The following KIF19 variants were observed in gnomAD, a reference collection of about 807,000 sequenced individuals.
KIF19 encodes kinesin-like protein KIF19.
Under a neutral mutation model 106.6 loss-of-function variants are expected in KIF19, and 98 were observed. The ratio of observed to expected loss-of-function variants is 0.92; its 90% CI spans 0.78 to 1.09. The LOEUF (loss-of-function observed/expected upper bound fraction) is 1.09, where lower values mean the gene tolerates loss of function less well. Ranked by LOEUF, KIF19 falls within the 50% of genes least tolerant of loss-of-function variation. The pLI, the probability that KIF19 is intolerant of heterozygous loss-of-function variation, is 0.00. For missense variants in KIF19, 1,373 were observed against 1,414.3 expected, an observed-to-expected ratio of 0.97 and a Z score of 0.47; for synonymous variants, 516 against 584.2, an observed-to-expected ratio of 0.88 and a Z score of 1.68.
At position 74,346,325 on chromosome 17, in the gene KIF19, A is replaced by T; in HGVS notation, c.778-53A>T. 6.5e-7 allele frequency: 1 copy of T among 1,528,832 alleles called. No individual in the cohort carries two copies. Among genetic ancestry groups the T allele is most frequent in the Non-Finnish European group, 8.8e-7 (1 of 1,130,968 alleles). 94.7% of individuals were successfully genotyped at this position (1,528,832 alleles called of 1,614,324 possible). A position where few individuals can be genotyped will look rare whatever the true frequency, so the allele number is the denominator to read the frequency against. On this transcript the variant is annotated intron_variant, in intron 7 of 19. Coordinates refer to ENST00000389916, the MANE Select transcript of KIF19 (RefSeq NM_153209.4). The surrounding 1 kb of genome is among the most constrained non-coding windows in gnomAD (Gnocchi z 4.6). ...TCATTGGTGGGGTGGCTGGGGAGAA[A>T]CCCAGTCCCCTGCCTCATCAGGCCA...
chr17:74,349,113 C>T, intron 9 of KIF19, 71 bp from the exon 10 acceptor site: 6 of 1,545,138 alleles, frequency 3.9e-6, no homozygotes, highest in Non-Finnish European at 4.4e-6. Flanking sequence ...GAAGAAAGGC[C>T]CTGCAGGCAG....
In KIF19 at chr17:74,354,402, C is replaced by A. The variant is rs1217230618; in HGVS notation, c.2549C>A (p.Thr850Lys). The A allele has an allele frequency of 1.9e-6, 3 of 1,610,818 alleles. No individual in the cohort carries two copies. The highest frequency in any genetic ancestry group is 1.1e-5 in the South Asian group (1 of 90,772). Residue 850 changes from threonine to lysine, a missense_variant, in exon 18 of 20, where the codon ACG becomes AAG. Thr to Lys is a moderately conservative substitution (Grantham distance 78, BLOSUM62 -1). This residue lies in a region of KIF19 where 1,020 missense variants were observed against 1,008.2 expected (regional missense o/e 1.01). Transcript: ENST00000389916. ...AGTGAGGACAACCTGTCCAGCAGCACGGGCGAGGCCCCGTCCCGGGCAGTC... is the reference window on the plus strand; with the variant it reads ...AGTGAGGACAACCTGTCCAGCAGCAAGGGCGAGGCCCCGTCCCGGGCAGTC... ...AASEDNLSSS[T>K]GEAPSRAVGH...
intron 2 of KIF19, among the ~76,000 whole-genome samples, chr17:74,333,361 A>ATTTTTTT (rs35232394): frequency 4.6e-5 from 6 of 129,482 alleles, no homozygotes; most frequent in African/African-American, 1.8e-4. Flanking sequence ...TGTGGTCCTA[A>ATTTTTTT]TTTTTTTTTT....
intron 2 of KIF19, among the ~76,000 whole-genome samples, chr17:74,333,324 A>G (rs2054141898): frequency 6.6e-6 from 1 of 150,462 alleles, no homozygotes; most frequent in South Asian, 2.1e-4. Flanking sequence ...CCTTCTGGAC[A>G]TTGAATGTGA....
At chr17:74,338,417 T>TG (rs1468982490) in intron 2 of KIF19, among the ~76,000 whole-genome samples, 1 of 148,900 alleles carries the variant, frequency 6.7e-6, no homozygotes, top group Non-Finnish European at 1.5e-5. Context: ...GCAGGGAGCC[T>TG]GAGTGAGTGG....
intron 2 of KIF19, among the ~76,000 whole-genome samples, chr17:74,333,546 G>A (rs1027215743): frequency 7.9e-5 from 12 of 152,088 alleles, no homozygotes; most frequent in Admixed American, 7.2e-4. Flanking sequence ...ATTTTTAGTA[G>A]AGACGGGTTT....
At position 74,354,549 on chromosome 17, in the gene KIF19, C is replaced by A. The variant is rs752163964; in HGVS notation, c.2696C>A (p.Thr899Asn). 4 of 1,595,608 alleles carry A rather than the reference C, an allele frequency of 2.5e-6. No individual in the cohort carries two copies. The East Asian group carries it at 6.8e-5, about 27-fold the overall frequency. ...CGGAGGTCCCGATCCTTCGAGGTCA[C>A]CGGGCAAGGGGTGAGGCGAGGCGCA... ...RKRRSRSFEV[T>N]GQGLSHPKTH... Residue 899 changes from threonine to asparagine, a missense_variant, in exon 18 of 20, where the codon ACC becomes AAC. Transcript: ENST00000389916.
At chr17:74,332,551 T>C (rs1468508886) in intron 2 of KIF19, among the ~76,000 whole-genome samples, 1 of 152,104 alleles carries the variant, frequency 6.6e-6, no homozygotes, top group Non-Finnish European at 1.5e-5. Flanking sequence ...GCTGACCATG[T>C]GTATGTCCCA....
intron 2 of KIF19, among the ~76,000 whole-genome samples, chr17:74,340,713 G>A (rs2054349185): frequency 6.6e-6 from 1 of 152,188 alleles, no homozygotes; most frequent in South Asian, 2.1e-4. Flanking sequence ...AGCTGCAAAG[G>A]GCCACTGGAG....
chr17:74,344,477 G>A, intron 6 of KIF19, 129 bp downstream of exon 6: 1 of 1,407,188 alleles, frequency 7.1e-7, no homozygotes, highest in Non-Finnish European at 9.6e-7. Context: ...GGAGAATCCT[G>A]AGTGGCAGCA....
At position 74,352,314 on chromosome 17, in the gene KIF19, G is replaced by C. The variant is rs534622184; in HGVS notation, c.1954G>C (p.Asp652His). 6.2e-7 allele frequency: 1 copy of C among 1,610,978 alleles called. No homozygotes were observed. The change falls in exon 14 of 20, where the codon GAC (aspartate) becomes CAC (histidine). Residue 652 changes from aspartate to histidine, a missense_variant. Asp to His is a moderately conservative substitution (Grantham distance 81). This residue lies in a region of KIF19 where 1,020 missense variants were observed against 1,008.2 expected (regional missense o/e 1.01). Coordinates refer to ENST00000389916, the MANE Select transcript of KIF19 (RefSeq NM_153209.4). Reference protein sequence around the residue: ...EGSLEQATIMDQVASRALQDS... With the variant: ...EGSLEQATIMHQVASRALQDS... ...CAGCCTGGAGCAGGCCACCATCATGGACCAAGTGGCCTCCAGGGCCCTGCA... is the reference window on the plus strand; with the variant it reads ...CAGCCTGGAGCAGGCCACCATCATGCACCAAGTGGCCTCCAGGGCCCTGCA...
At chr17:74,342,507 C>T (rs2054409568) in intron 3 of KIF19, 123 bp from the exon 4 acceptor site, 2 of 715,412 alleles carry the variant, frequency 2.8e-6, no homozygotes, top group South Asian at 1.7e-5. Context: ...CCCACCCCCA[C>T]TTATCTTGGG....
At position 74,354,301 on chromosome 17, in the gene KIF19, C is replaced by G. The variant is rs369720899; in HGVS notation, c.2448C>G (p.Ser816Arg). ...ERSSLSLHSL[S>R]EGDDARPPGP... ...GCAGCCTGTCCCTGCACTCACTGAG[C>G]GAGGGCGACGATGCGCGGCCACCAG... Residue 816 changes from serine to arginine, a missense_variant, in exon 18 of 20, where the codon AGC becomes AGG. By Grantham distance (110) the Ser-to-Arg change is moderately radical. Coordinates refer to ENST00000389916, the MANE Select transcript of KIF19 (RefSeq NM_153209.4). 178 of 1,608,264 alleles carry G rather than the reference C, an allele frequency of 1.1e-4. 1 individual carries two copies. In the Middle Eastern group the frequency reaches 1.3e-3, roughly 12 times the overall value.
At position 74,355,400 on chromosome 17, in the gene KIF19, A is replaced by G. The variant is rs775611286; in HGVS notation, c.*88A>G. On this transcript the variant is annotated 3_prime_UTR_variant, in exon 20 of 20. Coordinates refer to ENST00000389916, the MANE Select transcript of KIF19 (RefSeq NM_153209.4). ...GGAGGTGGAGGCTGGGCAGATGGAG[A>G]TGACCAGGAAGTAAGCTCAGGATCT... The G allele has an allele frequency of 2.8e-6, 4 of 1,427,380 alleles. No individual in the cohort carries two copies. The highest frequency in any genetic ancestry group is 3.7e-6 in the Non-Finnish European group (4 of 1,081,880). The allele number at this position is 1,427,380 out of a possible 1,614,324, so 88.4% of individuals were successfully genotyped here.
At chr17:74,349,750 C>CT (rs903609962) in intron 10 of KIF19, among the ~76,000 whole-genome samples, 4 of 151,566 alleles carry the variant, frequency 2.6e-5, no homozygotes, top group Admixed American at 6.6e-5. Context: ...GACAGTAAAG[C>CT]TTTTTTTAAA....
At position 74,347,878 on chromosome 17, in the gene KIF19, G is replaced by A. The variant is rs2054583415; in HGVS notation, c.1026G>A (p.Arg342=). The A allele has an allele frequency of 6.3e-7, 1 of 1,583,964 alleles. No homozygotes were observed. The highest frequency in any genetic ancestry group is 1.3e-5 in the African/African-American group (1 of 74,362). The change falls in exon 9 of 20, where the codon CGG becomes CGA. Residue 342 remains arginine, a synonymous_variant. Transcript: ENST00000389916. ...GGAACACCCTGACCTACGCCGGCCG[G>A]GCCAAGAACATTAAGACTAGGGTGA... is the stretch of plus-strand genomic sequence containing the variant. The part of the protein sequence containing the change: ...ESRNTLTYAG[R]AKNIKTRVKQ...
At chr17:74,347,631 T>C in intron 8 of KIF19, 146 bp from the exon 9 acceptor site, 1 of 860,990 alleles carries the variant, frequency 1.2e-6, no homozygotes. Flanking sequence ...CTCCCAAGCC[T>C]CACACCATAT....
chr17:74,327,869 C>G (rs1375975443), intron 1 of KIF19, among the ~76,000 whole-genome samples: 2 of 152,242 alleles, frequency 1.3e-5, no homozygotes, highest in Admixed American at 6.5e-5. Flanking sequence ...CCACTCCACC[C>G]TGTTCTTTAG....
chr17:74,355,523 A>C lies in KIF19; in HGVS notation c.*211A>C. ...GGGAAAAGAGGTGAGGCCAGGGGAC[A>C]TGGCCAGGACGGCTGGGCTCCCTGG... On this transcript the variant is annotated 3_prime_UTR_variant, in exon 20 of 20. Transcript: ENST00000389916. 1 of 614,404 alleles carries C rather than the reference A, an allele frequency of 1.6e-6. No homozygotes were observed. Among genetic ancestry groups the C allele is most frequent in the Non-Finnish European group, 2.6e-6 (1 of 381,526 alleles). 38.1% of individuals were successfully genotyped at this position (614,404 alleles called of 1,614,324 possible).
Sources: gnomAD v4.1 joint callset for allele counts (sites outside exome capture counted in the v4.1 genomes callset) on GRCh38, gnomAD v4.1.1 for gene constraint, gnomAD v4.1.1 regional missense constraint, Gnocchi (gnomAD v3.1) non-coding constraint, MANE v1.5 for transcripts, NCBI Gene and HGNC (gene_info 2026-07-23, HGNC 2026-07-21) for gene names.